Variants in NSG1 observed in about 807,000 individuals in gnomAD.
The protein encoded by NSG1 is neuronal vesicle trafficking associated 1, also known as neuronal vesicle trafficking-associated protein 1.
NSG1 carries 9 observed loss-of-function variants against 19.3 expected under a neutral mutation model. The ratio of observed to expected loss-of-function variants is 0.47; its 90% CI spans 0.28 to 0.81. The LOEUF is 0.81. Among genes scored for constraint, NSG1 ranks in the 40% least tolerant of loss-of-function variants. NSG1 has a pLI of 0.11. For missense variants in NSG1, 236 were observed against 242.4 expected (o/e 0.97, Z 0.18); for synonymous variants, 104 against 107.0 (o/e 0.97, Z 0.17).
In NSG1 at chr4:4,405,760, T is replaced by A. The variant is rs1032368362; in HGVS notation, c.247-3813T>A. ...GCTGACTCTCCCTGGATGTATTTCT[T>A]TGCCCTTCTCCCCTTGACTGTTCCA... On this transcript the variant is annotated intron_variant, in intron 3 of 4. Coordinates refer to ENST00000621129, the MANE Select transcript of NSG1 (RefSeq NM_014392.5). 7.9e-5 allele frequency among the ~76,000 whole-genome samples: 12 copies of A among 152,176 alleles called. 1 individual carries two copies. The highest frequency in any genetic ancestry group is 7.9e-4 in the Admixed American group (12 of 15,284).
At chr4:4,398,626 C>T (rs899655897) in intron 3 of NSG1, among the ~76,000 whole-genome samples, 1 of 152,204 alleles carries the variant, frequency 6.6e-6, no homozygotes, top group East Asian at 1.9e-4. Flanking sequence ...CTGCTTCATT[C>T]CTTTTCATGG....
At chr4:4,400,384 T>C (rs1051047016) in intron 3 of NSG1, among the ~76,000 whole-genome samples, 1 of 152,206 alleles carries the variant, frequency 6.6e-6, no homozygotes, top group African/African-American at 2.4e-5. Flanking sequence ...GTTTTAAAAT[T>C]GAGAACTCCT....
In NSG1 at chr4:4,400,295, C is replaced by G. The variant is rs192228320; in HGVS notation, c.246+8704C>G. ...GGACTCATAGTTTTGTTTCTGGACT[C>G]TCAATTGTATTACGTGGATTTATAT... On this transcript the variant is annotated intron_variant, in intron 3 of 4. Coordinates refer to ENST00000621129, the MANE Select transcript of NSG1 (RefSeq NM_014392.5). 2.0e-5 allele frequency among the ~76,000 whole-genome samples: 3 copies of G among 152,158 alleles called. No homozygotes were observed. The East Asian group carries it at 5.8e-4, about 29-fold the overall frequency.
chr4:4,416,777 T>C (rs564690879), intron 4 of NSG1, among the ~76,000 whole-genome samples: 1 of 152,108 alleles, frequency 6.6e-6, no homozygotes, highest in East Asian at 1.9e-4. Flanking sequence ...TCTGCTCTGG[T>C]TTCCTTTGCC....
chr4:4,409,468 T>G lies in NSG1; in HGVS notation c.247-105T>G, dbSNP rs188089450. ...TGCCCTTACCAGGTTCTTCCAGAGA[T>G]AGTCTCTGCACATGCTGTGTGGGGG... is the stretch of plus-strand genomic sequence containing the variant. On this transcript the variant is annotated intron_variant, in intron 3 of 4. Transcript: ENST00000621129. The G allele has an allele frequency of 1.4e-4, 117 of 825,776 alleles. No individual in the cohort carries two copies. In the African/African-American group the frequency reaches 1.8e-3, roughly 13 times the overall value. The allele number at this position is 825,776 out of a possible 1,614,324, so 51.2% of individuals were successfully genotyped here. A position where few individuals can be genotyped will look rare whatever the true frequency, so the allele number is the denominator to read the frequency against.
chr4:4,407,378 C>T (rs138217417), intron 3 of NSG1, among the ~76,000 whole-genome samples: 351 of 152,072 alleles, frequency 2.3e-3, no homozygotes, highest in African/African-American at 7.7e-3. Context: ...TGTAGTGGGT[C>T]TGAGCTGGGG....
chr4:4,417,468 T>G lies in NSG1; in HGVS notation c.*33T>G, dbSNP rs759476221. 24 of 1,590,900 alleles carry G rather than the reference T, an allele frequency of 1.5e-5. No homozygotes were observed. In the East Asian group the frequency reaches 5.4e-4, roughly 36 times the overall value. ...GGCAAGTTCCTTACAATGTGTCACT[T>G]GCAAATAACAAAGGGACTTTGAGGG... On this transcript the variant is annotated 3_prime_UTR_variant, in exon 5 of 5. Transcript: ENST00000621129.
At position 4,406,962 on chromosome 4, in the gene NSG1, A is replaced by G. The variant is rs191049506; in HGVS notation, c.247-2611A>G. On this transcript the variant is annotated intron_variant, in intron 3 of 4. Transcript: ENST00000621129. The stretch of plus-strand genomic sequence containing the variant: ...TTCTCCGGCCAGCTCTGCCTGCTTC[A>G]TCACAGCTCTGCGCTCTGCTGCCCT... Among the ~76,000 whole-genome samples the G allele has an allele frequency of 6.0e-4, 92 of 152,190 alleles. 2 individuals are homozygous for G. The East Asian group carries it at 0.017, about 28-fold the overall frequency.
rs998065606 is a variant in NSG1 at position 4,418,986 on chromosome 4, C to G, written c.*1551C>G. ...GCCTGTATTTCCAGGTAGACGTGGA[C>G]TTTATTGACTGTGAATTCATTTACA... On this transcript the variant is annotated 3_prime_UTR_variant, in exon 5 of 5. Coordinates refer to ENST00000621129, the MANE Select transcript of NSG1 (RefSeq NM_014392.5). 2 of 152,218 alleles carry G rather than the reference C, an allele frequency of 1.3e-5. No homozygotes were observed. Among genetic ancestry groups the G allele is most frequent in the African/African-American group, 2.4e-5 (1 of 41,458 alleles). 9.4% of individuals were successfully genotyped at this position (152,218 alleles called of 1,614,324 possible).
At chr4:4,403,771 A>T (rs1198425519) in intron 3 of NSG1, among the ~76,000 whole-genome samples, 1 of 152,164 alleles carries the variant, frequency 6.6e-6, no homozygotes, top group Non-Finnish European at 1.5e-5. Flanking sequence ...ACTGCCTTGC[A>T]GGTGTTGTGT....
chr4:4,402,050 T>G (rs1440409680), intron 3 of NSG1, among the ~76,000 whole-genome samples: 2 of 13,834 alleles, frequency 1.4e-4, no homozygotes, highest in East Asian at 0.014. Context: ...CCAGCTAATT[T>G]TTTTTTTTTT....
chr4:4,399,728 T>C (rs1723449079), intron 3 of NSG1, among the ~76,000 whole-genome samples: 1 of 152,236 alleles, frequency 6.6e-6, no homozygotes. Context: ...GGACTGGTTT[T>C]GTGGAAGACA....
chr4:4,404,587 T>C (rs1171914302), intron 3 of NSG1, among the ~76,000 whole-genome samples: 1 of 152,194 alleles, frequency 6.6e-6, no homozygotes, highest in African/African-American at 2.4e-5. Context: ...TGGTCGTGGT[T>C]CTCCAAGATG....
chr4:4,411,763 CAAA>C (rs1156479012), intron 4 of NSG1, among the ~76,000 whole-genome samples: 1 of 92,422 alleles, frequency 1.1e-5, no homozygotes, highest in African/African-American at 8.1e-5. Context: ...CAAAACAAAA[CAAA>C]ACAAAACAAA....
rs1275813137 is a variant in NSG1, at chr4:4,417,692, G to T, written c.*257G>T. The T allele has an allele frequency of 6.1e-6, 3 of 494,660 alleles. No homozygotes were observed. Among genetic ancestry groups the T allele is most frequent in the African/African-American group, 5.8e-5 (3 of 51,540 alleles). The allele number at this position is 494,660 out of a possible 1,614,324, so 30.6% of individuals were successfully genotyped here. On this transcript the variant is annotated 3_prime_UTR_variant, in exon 5 of 5. Transcript: ENST00000621129. ...GATCTTCATTTAGCTCCTTTACTGG[G>T]ATTTATTGGATGCTGTAAAAAAATA...
chr4:4,416,163 C>A (rs759192084), intron 4 of NSG1: 1 of 702,358 alleles, frequency 1.4e-6, no homozygotes, highest in Non-Finnish European at 2.6e-6. Flanking sequence ...AGGTGAGGGA[C>A]CTGAGATTGA....
intron 4 of NSG1, among the ~76,000 whole-genome samples, chr4:4,410,207 A>G (rs772206638): frequency 6.6e-6 from 1 of 152,186 alleles, no homozygotes; most frequent in African/African-American, 2.4e-5. Flanking sequence ...GTCCCACCGC[A>G]GGAGCCACAC....
intron 1 of NSG1, 43 bp from the exon 2 acceptor site, chr4:4,387,561 C>CCGGGGGTG: frequency 7.9e-6 from 9 of 1,141,968 alleles, no homozygotes; most frequent in East Asian, 5.4e-5. Flanking sequence ...CGCCCCGCCC[C>CCGGGGGTG]GGGTCTTGCT....
At chr4:4,402,076 A>G (rs534698008) in intron 3 of NSG1, among the ~76,000 whole-genome samples, 83 of 146,270 alleles carry the variant, frequency 5.7e-4, no homozygotes, top group African/African-American at 2.1e-3. Flanking sequence ...TTTGGCAGAA[A>G]TGAGTTATCC....
Sources: allele counts gnomAD v4.1 joint callset (sites outside exome capture counted in the v4.1 genomes callset), GRCh38; gene constraint gnomAD v4.1.1; transcripts MANE v1.5; gene names NCBI Gene and HGNC (gene_info 2026-07-23, HGNC 2026-07-21).